Variants in HMGCLL1 observed in about 807,000 individuals in gnomAD.
HMGCLL1 encodes the protein 3-hydroxymethyl-3-methylglutaryl-CoA lyase, cytoplasmic.
In HMGCLL1, 36 loss-of-function variants were observed where a neutral mutation model predicts 39.1. The ratio of observed to expected loss-of-function variants is 0.92; its 90% CI spans 0.71 to 1.22. HMGCLL1 has a LOEUF of 1.22. Ranked by LOEUF, HMGCLL1 falls within the 50% of genes most tolerant of loss-of-function variation. The pLI, the probability that HMGCLL1 is intolerant of heterozygous loss-of-function variation, is 0.00. For synonymous variants in HMGCLL1, 149 were observed against 144.0 expected (o/e 1.03, Z -0.25); for missense variants, 451 against 416.5 (o/e 1.08, Z -0.72).
chr6:55,673,329 C>T, the HMGCLL1 span, among the ~76,000 whole-genome samples: 4 of 152,036 alleles, frequency 2.6e-5, no homozygotes, highest in East Asian at 3.9e-4. Flanking sequence ...TTATCAGCCT[C>T]GGCTTGCAAG....
At chr6:55,541,916 A>G (rs1769461311) in intron 2 of HMGCLL1, 80 bp from the exon 3 acceptor site, 5 of 956,210 alleles carry the variant, frequency 5.2e-6, no homozygotes, top group Non-Finnish European at 6.4e-6. Context: ...TCCTAAGTCA[A>G]AGTGAGTATT....
At chr6:55,588,845 A>G in the HMGCLL1 span, among the ~76,000 whole-genome samples, 4 of 151,976 alleles carry the variant, frequency 2.6e-5, no homozygotes, top group Non-Finnish European at 5.9e-5. Flanking sequence ...ACCCTCCCAA[A>G]ACTAAACCAG....
the HMGCLL1 span, among the ~76,000 whole-genome samples, chr6:55,604,680 A>G: frequency 6.6e-6 from 1 of 152,254 alleles, no homozygotes; most frequent in African/African-American, 2.4e-5. Context: ...TTAATAACAA[A>G]TGAAATATTT....
intron 7 of HMGCLL1, among the ~76,000 whole-genome samples, chr6:55,456,101 AGATGGCATACAACCAT>A: frequency 6.6e-6 from 1 of 152,328 alleles, no homozygotes; most frequent in East Asian, 1.9e-4. Context: ...ATAAGCTTCC[AGATGGCATACAACCAT>A]GATGGCCAGT....
chr6:55,615,836 A>G, the HMGCLL1 span, among the ~76,000 whole-genome samples: 10 of 152,068 alleles, frequency 6.6e-5, no homozygotes, highest in Non-Finnish European at 1.5e-4. Flanking sequence ...GTTAAGCTAG[A>G]GGGTCTCTTG....
intron 7 of HMGCLL1, among the ~76,000 whole-genome samples, chr6:55,485,757 C>T (rs1765992221): frequency 6.6e-6 from 1 of 151,662 alleles, no homozygotes; most frequent in African/African-American, 2.4e-5. Context: ...AAATGCAAAT[C>T]GAGTTGGCAT....
chr6:55,600,152 C>T, the HMGCLL1 span, among the ~76,000 whole-genome samples: 1 of 151,804 alleles, frequency 6.6e-6, no homozygotes, highest in African/African-American at 2.4e-5. Context: ...TTTTTTAAAT[C>T]TCTAAAATCA....
At chr6:55,439,387 G>A in intron 8 of HMGCLL1, 47 bp downstream of exon 8, 2 of 1,553,790 alleles carry the variant, frequency 1.3e-6, no homozygotes, top group Middle Eastern at 1.7e-4. Flanking sequence ...TTGCAATTTG[G>A]AGCTGCAAGG....
chr6:55,457,574 A>C (rs189287133), intron 7 of HMGCLL1, among the ~76,000 whole-genome samples: 229 of 152,274 alleles, frequency 1.5e-3, no homozygotes, highest in African/African-American at 5.2e-3. Flanking sequence ...AATTATAGAA[A>C]AAGTTTGGTT....
chr6:55,491,593 T>C (rs1036308369), intron 7 of HMGCLL1, among the ~76,000 whole-genome samples: 2 of 152,208 alleles, frequency 1.3e-5, no homozygotes, highest in Non-Finnish European at 2.9e-5. Flanking sequence ...TGGATCTCAT[T>C]TGTTTCCTCA....
chr6:55,625,617 C>A, the HMGCLL1 span, among the ~76,000 whole-genome samples: 1 of 152,136 alleles, frequency 6.6e-6, no homozygotes, highest in African/African-American at 2.4e-5. Flanking sequence ...GAAATCTTCC[C>A]AGTGGGCCGA....
the HMGCLL1 span, among the ~76,000 whole-genome samples, chr6:55,667,354 G>C: frequency 6.6e-6 from 1 of 151,728 alleles, no homozygotes; most frequent in Non-Finnish European, 1.5e-5. Flanking sequence ...AAGTTACCAA[G>C]TGTGTACTAT....
chr6:55,578,127 A>G (rs1334143191), intron 1 of HMGCLL1, among the ~76,000 whole-genome samples: 3 of 152,220 alleles, frequency 2.0e-5, no homozygotes, highest in Non-Finnish European at 4.4e-5. Flanking sequence ...TCGAATCAGA[A>G]ATAATCTTGT....
At chr6:55,437,217 G>T (rs140555289) in intron 8 of HMGCLL1, among the ~76,000 whole-genome samples, 1 of 151,920 alleles carries the variant, frequency 6.6e-6, no homozygotes, top group African/African-American at 2.4e-5. Context: ...TAAATCATTT[G>T]TCGGGTGCTT....
intron 3 of HMGCLL1, among the ~76,000 whole-genome samples, chr6:55,521,265 A>G (rs371148521): frequency 6.6e-6 from 1 of 152,138 alleles, no homozygotes; most frequent in African/African-American, 2.4e-5. Context: ...AAGATAATGC[A>G]TATGAGAATG....
At chr6:55,470,743 G>C (rs1234971805) in intron 7 of HMGCLL1, among the ~76,000 whole-genome samples, 1 of 151,758 alleles carries the variant, frequency 6.6e-6, no homozygotes, top group East Asian at 1.9e-4. Flanking sequence ...TCACAGTGCT[G>C]TATGGCTGGA....
intron 1 of HMGCLL1, among the ~76,000 whole-genome samples, chr6:55,562,784 A>C (rs554174951): frequency 6.6e-6 from 1 of 152,216 alleles, no homozygotes; most frequent in East Asian, 1.9e-4. Context: ...CTACCTTATC[A>C]ATGCTTTCTC....
At chr6:55,622,540 T>G in the HMGCLL1 span, among the ~76,000 whole-genome samples, 1 of 152,124 alleles carries the variant, frequency 6.6e-6, no homozygotes, top group African/African-American at 2.4e-5. Context: ...ATAGTTTTTG[T>G]CCTTCATTCA....
chr6:55,503,506 G>A (rs149748717), intron 5 of HMGCLL1, among the ~76,000 whole-genome samples: 1 of 149,620 alleles, frequency 6.7e-6, no homozygotes, highest in Non-Finnish European at 1.5e-5. Flanking sequence ...TAGGTGATAT[G>A]TTTTAAAAGT....
Sources: allele counts gnomAD v4.1 joint callset (sites outside exome capture counted in the v4.1 genomes callset), GRCh38; gene constraint gnomAD v4.1.1; transcripts MANE v1.5; gene names NCBI Gene and HGNC (gene_info 2026-07-23, HGNC 2026-07-21).